The following MAST4 variants were observed in gnomAD, a reference collection of about 807,000 sequenced individuals.
The protein encoded by MAST4 is microtubule-associated serine/threonine-protein kinase 4.
Under a neutral mutation model 162.7 loss-of-function variants are expected in MAST4, and 89 were observed. The observed-to-expected ratio is 0.55, with a 90% CI of 0.46 to 0.65. MAST4 has a LOEUF of 0.65. MAST4 is among the 30% of genes least tolerant of loss of function. The pLI, the probability that MAST4 is intolerant of heterozygous loss-of-function variation, is 0.00. For missense variants in MAST4, 3,153 were observed against 3,374.0 expected (o/e 0.93, Z 1.62); for synonymous variants, 1,479 against 1,361.1 (o/e 1.09, Z -1.91).
intron 7 of MAST4, among the ~76,000 whole-genome samples, chr5:67,099,070 CT>C (rs1764742729): frequency 6.6e-6 from 1 of 152,004 alleles, no homozygotes; most frequent in Non-Finnish European, 1.5e-5. Flanking sequence ...ATTGATTTAC[CT>C]TTGAAACATA....
chr5:66,630,269 C>T (rs6895441), intron 1 of MAST4, among the ~76,000 whole-genome samples: 116,171 of 152,126 alleles, frequency 0.76, 45,553 homozygotes, highest in African/African-American at 0.93. Flanking sequence ...ACCATAACTT[C>T]TTGGTTATAG....
chr5:67,109,314 T>C (rs973556747), intron 10 of MAST4, among the ~76,000 whole-genome samples: 1 of 152,120 alleles, frequency 6.6e-6, no homozygotes, highest in African/African-American at 2.4e-5. Flanking sequence ...ATAACACAAG[T>C]GGAAATTCTC....
chr5:66,660,997 A>G (rs1255956491), intron 1 of MAST4, among the ~76,000 whole-genome samples: 2 of 152,220 alleles, frequency 1.3e-5, no homozygotes, highest in Non-Finnish European at 2.9e-5. Flanking sequence ...ATCACATGTT[A>G]GCATGTAGCG....
intron 26 of MAST4, among the ~76,000 whole-genome samples, chr5:67,156,634 G>A (rs1302710945): frequency 1.3e-5 from 2 of 152,234 alleles, no homozygotes; most frequent in African/African-American, 4.8e-5. Context: ...GATGAGGTGT[G>A]TAAACATGAG....
At position 67,153,443 on chromosome 5, in the gene MAST4, C is replaced by A; in HGVS notation, c.3526-15C>A. The A allele has an allele frequency of 6.3e-7, 1 of 1,599,092 alleles. No individual in the cohort carries two copies. Among genetic ancestry groups the A allele is most frequent in the Non-Finnish European group, 8.5e-7 (1 of 1,172,724 alleles). On this transcript the variant is annotated splice_polypyrimidine_tract_variant and intron_variant, in intron 25 of 28. Transcript: ENST00000403625. ...ATTTGTTTGCCTACAAATATCCTCTCCTCTTGGACTTTAGAATGTAGAAGA... is the reference window on the plus strand; with the variant it reads ...ATTTGTTTGCCTACAAATATCCTCTACTCTTGGACTTTAGAATGTAGAAGA...
At chr5:67,082,226 G>A (rs1185033921) in intron 5 of MAST4, among the ~76,000 whole-genome samples, 1 of 143,750 alleles carries the variant, frequency 7.0e-6, no homozygotes, top group African/African-American at 2.6e-5. Flanking sequence ...TCAGCTCACT[G>A]CAACTTCTGC....
intron 3 of MAST4, among the ~76,000 whole-genome samples, chr5:66,847,474 T>A (rs1405887325): frequency 2.0e-5 from 3 of 152,024 alleles, no homozygotes; most frequent in African/African-American, 7.2e-5. Flanking sequence ...CTCTACTAAG[T>A]AATACAAAAA....
chr5:66,961,360 T>C (rs535066236), intron 4 of MAST4, among the ~76,000 whole-genome samples: 139 of 152,336 alleles, frequency 9.1e-4, no homozygotes, highest in African/African-American at 3.2e-3. Flanking sequence ...GACATTACTG[T>C]TTTTCTTTCA....
Position 67,167,091 on chromosome 5 carries a change from G to T in MAST4, c.*40G>T. 6.7e-7 allele frequency: 1 copy of T among 1,498,762 alleles called. No homozygotes were observed. The highest frequency in any genetic ancestry group is 1.3e-5 in the South Asian group (1 of 74,220). 92.8% of individuals were successfully genotyped at this position (1,498,762 alleles called of 1,614,324 possible). On this transcript the variant is annotated 3_prime_UTR_variant, in exon 29 of 29. Coordinates refer to ENST00000403625, the MANE Select transcript of MAST4 (RefSeq NM_001164664.2). Reference sequence around the variant, plus strand: ...GGGCAGGACTGTGGAGACCCGTCCTGAACGGGCGACTGTGTCTTGACTACC... The same window carrying T: ...GGGCAGGACTGTGGAGACCCGTCCTTAACGGGCGACTGTGTCTTGACTACC...
chr5:66,737,905 A>G (rs1300539817), intron 1 of MAST4: 2 of 152,192 alleles, frequency 1.3e-5, no homozygotes, highest in Non-Finnish European at 2.9e-5. Flanking sequence ...CTGACCTGCC[A>G]TTTGGATTCT....
intron 1 of MAST4, among the ~76,000 whole-genome samples, chr5:66,744,233 T>G (rs1268122789): frequency 1.3e-5 from 2 of 152,156 alleles, no homozygotes; most frequent in African/African-American, 4.8e-5. Flanking sequence ...TTCTGAATGA[T>G]TTCCATTTTA....
intron 9 of MAST4, 81 bp downstream of exon 9, chr5:67,102,692 A>G: frequency 9.0e-7 from 1 of 1,107,884 alleles, no homozygotes; most frequent in South Asian, 1.3e-5. Flanking sequence ...GTTTTGTTAT[A>G]GGAAGTAAGG....
At chr5:66,889,650 G>C (rs147247859) in intron 3 of MAST4, among the ~76,000 whole-genome samples, 1 of 152,064 alleles carries the variant, frequency 6.6e-6, no homozygotes, top group African/African-American at 2.4e-5. Context: ...TTATTGAGTC[G>C]GTGCTGTCTC....
chr5:66,885,057 G>A (rs1206483940), intron 3 of MAST4, among the ~76,000 whole-genome samples: 1 of 152,138 alleles, frequency 6.6e-6, no homozygotes, highest in African/African-American at 2.4e-5. Context: ...ATTTCTCCTA[G>A]AGCTCTGTCA....
At chr5:66,806,664 A>T (rs918495732) in intron 3 of MAST4, among the ~76,000 whole-genome samples, 25 of 152,372 alleles carry the variant, frequency 1.6e-4, no homozygotes, top group Middle Eastern at 3.4e-3. Flanking sequence ...AAAAATTCCT[A>T]GACAATTTTT....
At chr5:66,987,407 A>G (rs56169637) in intron 4 of MAST4, among the ~76,000 whole-genome samples, 2 of 150,122 alleles carry the variant, frequency 1.3e-5, no homozygotes, top group Non-Finnish European at 3.0e-5. Flanking sequence ...TAGGACATAA[A>G]CTGCTCAAAA....
At chr5:66,812,187 T>G (rs138364716) in intron 3 of MAST4, among the ~76,000 whole-genome samples, 2,476 of 152,312 alleles carry the variant, frequency 0.016, 28 homozygotes, top group Non-Finnish European at 0.028. Context: ...AGCTGACCGC[T>G]GAGCCACACC....
At chr5:66,605,119 A>G (rs987173559) in intron 1 of MAST4, among the ~76,000 whole-genome samples, 2 of 152,186 alleles carry the variant, frequency 1.3e-5, no homozygotes, top group African/African-American at 4.8e-5. Flanking sequence ...ACATAAGACA[A>G]ACTCACAAAA....
intron 4 of MAST4, among the ~76,000 whole-genome samples, chr5:66,935,676 T>C (rs985252686): frequency 1.4e-5 from 2 of 145,526 alleles, no homozygotes; most frequent in Non-Finnish European, 3.0e-5. Context: ...CTTTCTTTCT[T>C]TTTTTTTTTT....
Sources: gnomAD v4.1 joint callset for allele counts (sites outside exome capture counted in the v4.1 genomes callset) on GRCh38, gnomAD v4.1.1 for gene constraint, MANE v1.5 for transcripts, NCBI Gene and HGNC (gene_info 2026-07-23, HGNC 2026-07-21) for gene names.